The following NXNL2 variants were observed in gnomAD, a reference collection of about 807,000 sequenced individuals.
NXNL2 encodes nucleoredoxin-like protein 2.
In NXNL2, 7 loss-of-function variants were observed where a neutral mutation model predicts 11.1. The observed-to-expected ratio is 0.63, with a 90% confidence interval of 0.36 to 1.18. NXNL2 has a LOEUF of 1.18. NXNL2 is among the 50% of genes most tolerant of loss of function. The pLI, the probability that NXNL2 is intolerant of heterozygous loss-of-function variation, is 0.02. For missense variants in NXNL2, 233 were observed against 217.7 expected (o/e 1.07, Z -0.44); for synonymous variants, 109 against 101.8 (o/e 1.07, Z -0.42).
At chr9:88,579,257 A>G (rs1020301475), downstream of NXNL2, among the ~76,000 whole-genome samples, 12 of 152,194 alleles carry the variant, frequency 7.9e-5, no homozygotes, top group African/African-American at 2.9e-4. Flanking sequence ...TCAGCTAAAC[A>G]TGGCTCTCTT....
At chr9:88,559,515 G>A (rs969863455) in intron 1 of NXNL2, among the ~76,000 whole-genome samples, 1 of 152,116 alleles carries the variant, frequency 6.6e-6, no homozygotes, top group African/African-American at 2.4e-5. Flanking sequence ...GGGCTTCCTC[G>A]CTACCAAGCA....
intron 1 of NXNL2, among the ~76,000 whole-genome samples, chr9:88,558,320 G>T (rs1428024608): frequency 2.0e-5 from 3 of 152,182 alleles, no homozygotes; most frequent in Admixed American, 6.5e-5. Context: ...AACACGTAGA[G>T]ATTCCTGGAG....
chr9:88,542,519 A>G (rs1829782073), intron 1 of NXNL2, among the ~76,000 whole-genome samples: 1 of 151,832 alleles, frequency 6.6e-6, no homozygotes, highest in Non-Finnish European at 1.5e-5. Flanking sequence ...CAAACTCCTG[A>G]CTTCATGATC....
intron 1 of NXNL2, among the ~76,000 whole-genome samples, chr9:88,554,031 G>A (rs1042605634): frequency 1.3e-5 from 2 of 151,786 alleles, no homozygotes; most frequent in African/African-American, 2.4e-5. Context: ...CAGGCGTTTG[G>A]TTCTTCTCTC....
At position 88,540,726 on chromosome 9, in the gene NXNL2, C is replaced by T. The variant is rs369616512; in HGVS notation, c.303-3653C>T. 2.0e-3 allele frequency among the ~76,000 whole-genome samples: 297 copies of T among 148,916 alleles called. 2 individuals are homozygous for T. Among genetic ancestry groups the T allele is most frequent in the African/African-American group, 6.8e-3 (281 of 41,030 alleles). On this transcript the variant is annotated intron_variant, in intron 1 of 1. Transcript: ENST00000375854. ...CATTGGACACCACAGGGAGCAGGTC[C>T]GGACTGCCGGGGTGGGGGCTGTGTC...
At chr9:88,545,245 A>T (rs923115484), downstream of NXNL2, among the ~76,000 whole-genome samples, 9 of 152,230 alleles carry the variant, frequency 5.9e-5, no homozygotes, top group African/African-American at 2.2e-4. Flanking sequence ...TTAATAATCC[A>T]TCGAAGTAAA....
intron 1 of NXNL2, among the ~76,000 whole-genome samples, chr9:88,557,784 A>G (rs1345650533): frequency 6.6e-6 from 1 of 152,170 alleles, no homozygotes; most frequent in African/African-American, 2.4e-5. Context: ...GTCACTCAAG[A>G]ATCTGCAGGT....
chr9:88,552,712 G>A lies in NXNL2; in HGVS notation c.302+16976G>A, dbSNP rs185787684. On this transcript the variant is annotated intron_variant, in intron 1 of 2. Coordinates refer to the NXNL2 transcript ENST00000375855. ...TCTCAATCTCCTGACCTCGTGATCCGCCCACCTCAGCCTCCCAAAGTGCTG... is the reference window on the plus strand; with the variant it reads ...TCTCAATCTCCTGACCTCGTGATCCACCCACCTCAGCCTCCCAAAGTGCTG... Among the ~76,000 whole-genome samples, 7 of 152,072 alleles carry A rather than the reference G, an allele frequency of 4.6e-5. No individual in the cohort carries two copies. In the East Asian group the frequency reaches 9.7e-4, roughly 21 times the overall value.
chr9:88,540,795 C>T (rs941535807), intron 1 of NXNL2, among the ~76,000 whole-genome samples: 5 of 145,642 alleles, frequency 3.4e-5, no homozygotes, highest in Non-Finnish European at 7.5e-5. Flanking sequence ...AGGGGTCATG[C>T]AGCCCCAGAA....
intron 1 of NXNL2, among the ~76,000 whole-genome samples, chr9:88,565,319 A>G (rs2118511241): frequency 6.6e-6 from 1 of 152,320 alleles, no homozygotes; most frequent in South Asian, 2.1e-4. Flanking sequence ...TGCAGGGGAC[A>G]TGGGACTGCA....
intron 1 of NXNL2, among the ~76,000 whole-genome samples, chr9:88,556,228 G>A (rs994855689): frequency 1.2e-4 from 19 of 152,266 alleles, no homozygotes; most frequent in African/African-American, 1.9e-4. Flanking sequence ...GTTTCAGCTC[G>A]TTTGCCCACT....
At chr9:88,546,570 C>G (rs1437251035), downstream of NXNL2, among the ~76,000 whole-genome samples, 9 of 151,842 alleles carry the variant, frequency 5.9e-5, 1 homozygote, top group Admixed American at 4.6e-4. Context: ...CGCCTGCCAC[C>G]AAGCCCGGCT....
chr9:88,563,677 AC>A (rs1830120574), intron 1 of NXNL2, among the ~76,000 whole-genome samples: 1 of 151,016 alleles, frequency 6.6e-6, no homozygotes, highest in African/African-American at 2.4e-5. Context: ...TCTCCCAACC[AC>A]CCTGCTGCTC....
At chr9:88,555,368 G>A (rs1353232569) in intron 1 of NXNL2, among the ~76,000 whole-genome samples, 1 of 152,118 alleles carries the variant, frequency 6.6e-6, no homozygotes, top group African/African-American at 2.4e-5. Context: ...GGACCATATA[G>A]GGTAACTTCT....
intron 1 of NXNL2, among the ~76,000 whole-genome samples, chr9:88,565,496 C>A (rs557904944): frequency 6.6e-6 from 1 of 152,238 alleles, no homozygotes; most frequent in Non-Finnish European, 1.5e-5. Flanking sequence ...ACAAGGGTTC[C>A]AATTATTCCA....
intron 1 of NXNL2, among the ~76,000 whole-genome samples, chr9:88,561,504 G>T (rs1243494900): frequency 1.3e-5 from 2 of 151,778 alleles, no homozygotes; most frequent in African/African-American, 4.9e-5. Flanking sequence ...TCATCTATCT[G>T]TCTAATTAGT....
chr9:88,560,598 A>T lies in NXNL2; in HGVS notation c.303-10489A>T, dbSNP rs138460629. ...CATGCAGAAGTATCTTGGCTATGCC[A>T]GGTTCAAGAGCAAAGAAGACACAGG... On this transcript the variant is annotated intron_variant, in intron 1 of 2. Coordinates refer to the NXNL2 transcript ENST00000375855. Among the ~76,000 whole-genome samples, 731 of 152,290 alleles carry T rather than the reference A, an allele frequency of 4.8e-3. 9 individuals are homozygous for T. Among genetic ancestry groups the T allele is most frequent in the African/African-American group, 0.016 (685 of 41,566 alleles).
chr9:88,540,744 G>A (rs971825827), intron 1 of NXNL2, among the ~76,000 whole-genome samples: 30 of 112,326 alleles, frequency 2.7e-4, no homozygotes, highest in Admixed American at 1.1e-3. Flanking sequence ...CGGGGTGGGG[G>A]CTGTGTCCAT....
intron 1 of NXNL2, among the ~76,000 whole-genome samples, chr9:88,550,371 A>G (rs908685053): frequency 1.3e-5 from 2 of 152,196 alleles, no homozygotes; most frequent in African/African-American, 4.8e-5. Context: ...AAACACTAAC[A>G]TGGTGATGGC....
Sources: gnomAD v4.1 joint callset for allele counts (sites outside exome capture counted in the v4.1 genomes callset) on GRCh38, gnomAD v4.1.1 for gene constraint, MANE v1.5 for transcripts, NCBI Gene and HGNC (gene_info 2026-07-23, HGNC 2026-07-21) for gene names.